The following CSMD1 variants were observed in gnomAD, a reference collection of about 807,000 sequenced individuals.
The protein encoded by CSMD1 is CUB and Sushi multiple domains 1.
A neutral mutation model predicts 417.5 loss-of-function variants in CSMD1; 213 were observed. The ratio of observed to expected loss-of-function variants is 0.51; its 90% CI spans 0.46 to 0.57. CSMD1 has a LOEUF of 0.57. Among genes scored for constraint, CSMD1 ranks in the 20% least tolerant of loss-of-function variants. The pLI is 0.00. For synonymous variants in CSMD1, 2,862 were observed against 1,736.8 expected (o/e 1.65, Z -16.11); for missense variants, 6,923 against 4,529.7 (o/e 1.53, Z -15.17).
intron 3 of CSMD1, among the ~76,000 whole-genome samples, chr8:4,400,854 G>A (rs746942803): frequency 6.7e-6 from 1 of 150,084 alleles, no homozygotes; most frequent in Non-Finnish European, 1.5e-5. Context: ...TTATTTAATA[G>A]CAGAAAAATT....
At chr8:2,946,115 A>G (rs1272458573) in intron 68 of CSMD1, among the ~76,000 whole-genome samples, 1 of 152,182 alleles carries the variant, frequency 6.6e-6, no homozygotes, top group Non-Finnish European at 1.5e-5. Flanking sequence ...ACCGTGCACT[A>G]TGACATTATG....
intron 3 of CSMD1, among the ~76,000 whole-genome samples, chr8:4,360,721 C>T (rs560113005): frequency 6.6e-6 from 1 of 152,242 alleles, no homozygotes; most frequent in East Asian, 1.9e-4. Flanking sequence ...TCTCCGATCT[C>T]CTGACCTCGT....
intron 1 of CSMD1, among the ~76,000 whole-genome samples, chr8:4,955,101 A>C (rs1247803059): frequency 1.3e-5 from 2 of 152,120 alleles, no homozygotes; most frequent in African/African-American, 4.8e-5. Context: ...TCAGCATCAC[A>C]GAAATGGCTT....
intron 5 of CSMD1, among the ~76,000 whole-genome samples, chr8:3,760,329 C>T (rs1417465875): frequency 6.6e-6 from 1 of 152,128 alleles, no homozygotes; most frequent in Non-Finnish European, 1.5e-5. Flanking sequence ...TCATTTCCTT[C>T]AGAGGATTCA....
chr8:4,337,047 C>G (rs926870921), intron 3 of CSMD1, among the ~76,000 whole-genome samples: 1 of 152,070 alleles, frequency 6.6e-6, no homozygotes, highest in African/African-American at 2.4e-5. Flanking sequence ...ATTTTGCCCA[C>G]ACATTGCATT....
intron 3 of CSMD1, among the ~76,000 whole-genome samples, chr8:4,255,327 T>G (rs2128834972): frequency 6.6e-6 from 1 of 152,294 alleles, no homozygotes; most frequent in East Asian, 1.9e-4. Flanking sequence ...AGGGGAGCTG[T>G]TAATATCTGC....
At chr8:4,127,759 G>C (rs755397475) in intron 3 of CSMD1, among the ~76,000 whole-genome samples, 1 of 152,162 alleles carries the variant, frequency 6.6e-6, no homozygotes, top group Non-Finnish European at 1.5e-5. Flanking sequence ...ACCAAGTCTT[G>C]ACATATATTG....
chr8:3,032,692 G>T (rs2128978508), intron 50 of CSMD1, among the ~76,000 whole-genome samples: 2 of 151,994 alleles, frequency 1.3e-5, no homozygotes, highest in African/African-American at 4.8e-5. Context: ...TGCAGTCCCT[G>T]TCACATACAC....
chr8:3,590,384 G>A (rs182420442), intron 8 of CSMD1, among the ~76,000 whole-genome samples: 1 of 152,200 alleles, frequency 6.6e-6, no homozygotes, highest in African/African-American at 2.4e-5. Flanking sequence ...CATCAAGGTA[G>A]TCATGTGCAC....
chr8:4,473,562 C>T (rs1800646351), intron 2 of CSMD1, among the ~76,000 whole-genome samples: 2 of 152,316 alleles, frequency 1.3e-5, no homozygotes, highest in South Asian at 2.1e-4. Flanking sequence ...TCTGCCTCTC[C>T]ATATCAATAG....
intron 12 of CSMD1, among the ~76,000 whole-genome samples, chr8:3,418,900 G>A (rs1813318789): frequency 6.6e-6 from 1 of 152,198 alleles, no homozygotes; most frequent in African/African-American, 2.4e-5. Context: ...AGCCAAGGTA[G>A]TAATGAGAAG....
chr8:3,355,992 A>T (rs778121654), intron 21 of CSMD1, among the ~76,000 whole-genome samples: 4 of 152,216 alleles, frequency 2.6e-5, no homozygotes, highest in Non-Finnish European at 2.9e-5. Context: ...TAAAATGAAT[A>T]AACACAAATA....
At chr8:3,412,905 T>C (rs1207735304) in intron 12 of CSMD1, among the ~76,000 whole-genome samples, 6 of 152,202 alleles carry the variant, frequency 3.9e-5, no homozygotes, top group South Asian at 2.1e-4. Flanking sequence ...AGCTCTTGTT[T>C]GTTGTGGGCT....
At chr8:4,500,133 AGAG>A (rs1318831851) in intron 2 of CSMD1, among the ~76,000 whole-genome samples, 2 of 151,944 alleles carry the variant, frequency 1.3e-5, no homozygotes, top group African/African-American at 4.8e-5. Context: ...ATGTCTCTGA[AGAG>A]GAGAAGTTAT....
In CSMD1 at chr8:3,366,937, A is replaced by C. The variant is rs560071401; in HGVS notation, c.3115+95T>G. On this transcript the variant is annotated intron_variant, in intron 20 of 69. Transcript: ENST00000635120. ...CATGTACAAACACACACGGATGCACACATTACACACACACACACACCCACA... is the reference window on the plus strand; with the variant it reads ...CATGTACAAACACACACGGATGCACCCATTACACACACACACACACCCACA... 30 of 956,268 alleles carry C rather than the reference A, an allele frequency of 3.1e-5. 2 individuals carry two copies. The highest frequency in any genetic ancestry group is 2.9e-5 in the Non-Finnish European group (18 of 612,338). 59.2% of individuals were successfully genotyped at this position (956,268 alleles called of 1,614,324 possible).
Position 2,974,636 on chromosome 8 carries a change from A to G in CSMD1, c.8567-12T>C. The G allele has an allele frequency of 1.3e-6, 2 of 1,564,184 alleles. No individual in the cohort carries two copies. The highest frequency in any genetic ancestry group is 8.7e-7 in the Non-Finnish European group (1 of 1,152,862). On this transcript the variant is annotated splice_polypyrimidine_tract_variant and intron_variant, in intron 55 of 69. Coordinates refer to ENST00000635120, the MANE Select transcript of CSMD1 (RefSeq NM_033225.6). ...TCCACACGATATAGCTTCAGAAAAA[A>G]GATAAAACAATTGAGTACATCCTTC... is the stretch of plus-strand genomic sequence containing the variant.
At chr8:4,285,879 C>G (rs1028591321) in intron 3 of CSMD1, among the ~76,000 whole-genome samples, 1 of 152,150 alleles carries the variant, frequency 6.6e-6, no homozygotes, top group Non-Finnish European at 1.5e-5. Context: ...CTCTTCCAGC[C>G]TGGAAAGTAA....
rs531139465 is a variant in CSMD1, at chr8:4,575,151, C to T, written c.302+62191G>A. Among the ~76,000 whole-genome samples the T allele has an allele frequency of 1.4e-3, 215 of 152,310 alleles. 1 individual carries two copies. Among genetic ancestry groups the T allele is most frequent in the South Asian group, 4.6e-3 (22 of 4,832 alleles). The stretch of plus-strand genomic sequence containing the variant: ...CATTCAATAAATATTTTTGCAGTCT[C>T]TATAGCACTGTGGCCAAGAACTGTA... On this transcript the variant is annotated intron_variant, in intron 2 of 69. Coordinates refer to ENST00000635120, the MANE Select transcript of CSMD1 (RefSeq NM_033225.6).
rs116147658 is a variant in CSMD1 at position 4,457,742 on chromosome 8, G to A, written c.303-37677C>T. Reference sequence around the variant, plus strand: ...GTCCTTCATGTGCTCCTCTGTATGGGATCCAGCAGCATAGGACACCTCTTC... The same window carrying A: ...GTCCTTCATGTGCTCCTCTGTATGGAATCCAGCAGCATAGGACACCTCTTC... On this transcript the variant is annotated intron_variant, in intron 2 of 69. Coordinates refer to ENST00000635120, the MANE Select transcript of CSMD1 (RefSeq NM_033225.6). Among the ~76,000 whole-genome samples, 257 of 152,232 alleles carry A rather than the reference G, an allele frequency of 1.7e-3. 2 individuals carry two copies. Among genetic ancestry groups the A allele is most frequent in the African/African-American group, 6.0e-3 (248 of 41,520 alleles).
Sources: allele counts gnomAD v4.1 joint callset (sites outside exome capture counted in the v4.1 genomes callset), GRCh38; gene constraint gnomAD v4.1.1; transcripts MANE v1.5; gene names NCBI Gene and HGNC (gene_info 2026-07-23, HGNC 2026-07-21).